Variants in AMOTL1 observed in about 807,000 individuals in gnomAD.
The protein encoded by AMOTL1 is angiomotin like 1.
A neutral mutation model predicts 102.9 loss-of-function variants in AMOTL1; 45 were observed. That is an observed-to-expected ratio of 0.44 (90% CI 0.34 to 0.56). AMOTL1 has a LOEUF of 0.56. Ranked by LOEUF, AMOTL1 falls within the 20% of genes least tolerant of loss-of-function variation. The pLI is 0.01. For missense variants in AMOTL1, 1,114 were observed against 1,225.6 expected (o/e 0.91, Z 1.36); for synonymous variants, 481 against 484.7 (o/e 0.99, Z 0.10).
intron 6 of AMOTL1, among the ~76,000 whole-genome samples, chr11:94,849,680 T>A (rs544415957): frequency 1.3e-5 from 2 of 152,180 alleles, no homozygotes; most frequent in Non-Finnish European, 2.9e-5. Flanking sequence ...AGAGCTTACC[T>A]CTCTGGACCT....
chr11:94,742,644 T>C (rs755246890), intron 3 of AMOTL1, among the ~76,000 whole-genome samples: 39 of 152,200 alleles, frequency 2.6e-4, no homozygotes, highest in Non-Finnish European at 4.8e-4. Context: ...TCCCCTATGG[T>C]AAAAGCCCAG....
chr11:94,775,389 A>G (rs1333328269), intron 1 of AMOTL1, among the ~76,000 whole-genome samples: 1 of 152,206 alleles, frequency 6.6e-6, no homozygotes. Context: ...AGTTGTAGTA[A>G]GGACCAAAGG....
Position 94,736,220 on chromosome 11 carries a change from C to A in AMOTL1, c.86-4718C>A, listed in dbSNP as rs190415886. Among the ~76,000 whole-genome samples the A allele has an allele frequency of 2.0e-5, 3 of 152,318 alleles. No individual in the cohort carries two copies. In the East Asian group the frequency reaches 5.8e-4, roughly 29 times the overall value. On this transcript the variant is annotated intron_variant, in intron 2 of 4. Coordinates refer to the AMOTL1 transcript ENST00000299004. ...AGGAGAGCAATCTGGCATGCTCTAG[C>A]CCTCTATGTGGGAAGAAAATGAACA...
At chr11:94,717,724 A>T (rs1199624138) in intron 1 of AMOTL1, among the ~76,000 whole-genome samples, 1 of 151,972 alleles carries the variant, frequency 6.6e-6, no homozygotes, top group African/African-American at 2.4e-5. Flanking sequence ...TAAATAAAAC[A>T]TATGTGATGA....
rs61548602 is a variant in AMOTL1 at position 94,848,676 on chromosome 11, A to G, written c.1649-1438A>G. ...CCTCAGGGCTTTCCTCTTCTCAGCAATGAAGCAAAAGAGGGAGAACTGGAT... is the reference window on the plus strand; with the variant it reads ...CCTCAGGGCTTTCCTCTTCTCAGCAGTGAAGCAAAAGAGGGAGAACTGGAT... On this transcript the variant is annotated intron_variant, in intron 6 of 12. Transcript: ENST00000433060. 9.3e-3 allele frequency among the ~76,000 whole-genome samples: 1,419 copies of G among 152,300 alleles called. 23 individuals carry two copies. Among genetic ancestry groups the G allele is most frequent in the African/African-American group, 0.032 (1,331 of 41,540 alleles).
chr11:94,842,550 A>C lies in AMOTL1; in HGVS notation c.1649-7564A>C, dbSNP rs1320755754. Among the ~76,000 whole-genome samples the C allele has an allele frequency of 2.0e-5, 3 of 152,344 alleles. No homozygotes were observed. The East Asian group carries it at 5.8e-4, about 29-fold the overall frequency. ...CTATTCTTTTACATTTAGGCAACAG[A>C]GTTTGAATAAATGCATTGCACTTTA... On this transcript the variant is annotated intron_variant, in intron 6 of 12. Coordinates refer to ENST00000433060, the MANE Select transcript of AMOTL1 (RefSeq NM_130847.3).
At chr11:94,783,885 C>T (rs2135536490) in intron 1 of AMOTL1, among the ~76,000 whole-genome samples, 1 of 152,036 alleles carries the variant, frequency 6.6e-6, no homozygotes, top group Non-Finnish European at 1.5e-5. Context: ...GCCAACGACC[C>T]ATGATCCTTT....
chr11:94,749,900 T>A (rs1438999549), intron 3 of AMOTL1, among the ~76,000 whole-genome samples: 1 of 152,310 alleles, frequency 6.6e-6, no homozygotes, highest in East Asian at 1.9e-4. Context: ...CCTATCCTGT[T>A]TCAGAAGGAT....
intron 1 of AMOTL1, among the ~76,000 whole-genome samples, chr11:94,714,212 C>T (rs1008500746): frequency 6.6e-5 from 10 of 151,918 alleles, no homozygotes; most frequent in African/African-American, 2.4e-4. Flanking sequence ...ATTGAACCAG[C>T]CTTACATAGC....
chr11:94,737,410 A>G (rs1253411540), intron 2 of AMOTL1, among the ~76,000 whole-genome samples: 2 of 152,248 alleles, frequency 1.3e-5, no homozygotes, highest in Non-Finnish European at 2.9e-5. Flanking sequence ...GTAAAGGAGC[A>G]TGGCATCCAA....
chr11:94,729,137 C>T (rs780897954), intron 2 of AMOTL1: 91 of 1,003,506 alleles, frequency 9.1e-5, no homozygotes, highest in Non-Finnish European at 1.1e-4. Flanking sequence ...GTACTCAGTA[C>T]GTGCCCACGC....
At chr11:94,816,536 C>T (rs928946502) in intron 3 of AMOTL1, among the ~76,000 whole-genome samples, 4 of 152,140 alleles carry the variant, frequency 2.6e-5, no homozygotes, top group African/African-American at 9.6e-5. Context: ...CTAACAAACA[C>T]ATTTTATATT....
At chr11:94,767,178 GGGC>G (rs1334922162), upstream of AMOTL1, among the ~76,000 whole-genome samples, 1 of 152,132 alleles carries the variant, frequency 6.6e-6, no homozygotes, top group African/African-American at 2.4e-5. Flanking sequence ...GATCCTTGAA[GGGC>G]TGGTCAGCTG....
At chr11:94,712,794 A>G (rs112108571) in intron 1 of AMOTL1, among the ~76,000 whole-genome samples, 26 of 151,948 alleles carry the variant, frequency 1.7e-4, no homozygotes, top group African/African-American at 6.0e-4. Context: ...TTTTTATTCT[A>G]TCCTCTTGAA....
intron 6 of AMOTL1, among the ~76,000 whole-genome samples, chr11:94,844,422 A>T (rs1380561743): frequency 1.3e-5 from 2 of 152,254 alleles, no homozygotes; most frequent in Admixed American, 6.5e-5. Flanking sequence ...GAAAAAGGAA[A>T]AGAATACTGT....
At chr11:94,852,150 A>G (rs982561666) in intron 7 of AMOTL1, among the ~76,000 whole-genome samples, 1 of 152,230 alleles carries the variant, frequency 6.6e-6, no homozygotes, top group Non-Finnish European at 1.5e-5. Context: ...AGGAACCTTC[A>G]CTTAGTAGGT....
chr11:94,732,771 G>T (rs1005424480), intron 2 of AMOTL1, among the ~76,000 whole-genome samples: 1 of 152,174 alleles, frequency 6.6e-6, no homozygotes, highest in Non-Finnish European at 1.5e-5. Flanking sequence ...ATGCTTCCCA[G>T]GGAACTCAAC....
chr11:94,743,830 T>C (rs1325470229), intron 3 of AMOTL1, among the ~76,000 whole-genome samples: 3 of 151,956 alleles, frequency 2.0e-5, no homozygotes, highest in Non-Finnish European at 4.4e-5. Flanking sequence ...AGCTAATTTT[T>C]GGAAATTTAG....
At chr11:94,868,007 G>C (rs1375629770) in intron 11 of AMOTL1, among the ~76,000 whole-genome samples, 1 of 152,198 alleles carries the variant, frequency 6.6e-6, no homozygotes, top group Non-Finnish European at 1.5e-5. Flanking sequence ...GAGATGATGT[G>C]GGAAGCGCAG....
Sources: gnomAD v4.1 joint callset for allele counts (sites outside exome capture counted in the v4.1 genomes callset) on GRCh38, gnomAD v4.1.1 for gene constraint, MANE v1.5 for transcripts, NCBI Gene and HGNC (gene_info 2026-07-23, HGNC 2026-07-21) for gene names.